PDE8B: variants seen among roughly 807,000 people sequenced by gnomAD.
The protein encoded by PDE8B is phosphodiesterase 8B.
A neutral mutation model predicts 101.3 loss-of-function variants in PDE8B; 26 were observed. That is an observed-to-expected ratio of 0.26 (90% CI 0.19 to 0.36). The LOEUF is 0.36. Ranked by LOEUF, PDE8B falls within the 10% of genes least tolerant of loss-of-function variation. The pLI, the probability that PDE8B is intolerant of heterozygous loss-of-function variation, is 1.00. For missense variants in PDE8B, 810 were observed against 1,163.1 expected (o/e 0.70, Z 4.42); for synonymous variants, 424 against 429.3 (o/e 0.99, Z 0.15).
chr5:77,296,918 G>A (rs1310524592), intron 1 of PDE8B, among the ~76,000 whole-genome samples: 1 of 152,086 alleles, frequency 6.6e-6, no homozygotes, highest in Admixed American at 6.6e-5. Flanking sequence ...TTGGTCTTCT[G>A]CTGTGAGTGA....
chr5:77,264,402 A>G (rs1761256836), intron 1 of PDE8B, among the ~76,000 whole-genome samples: 1 of 152,242 alleles, frequency 6.6e-6, no homozygotes, highest in Admixed American at 6.5e-5. Flanking sequence ...GAGTTCCAGT[A>G]TCTTCACATT....
the PDE8B span, among the ~76,000 whole-genome samples, chr5:77,133,995 G>A: frequency 6.6e-6 from 1 of 152,178 alleles, no homozygotes; most frequent in African/African-American, 2.4e-5. Flanking sequence ...CCTTGCCACA[G>A]AGCTTCAGCA....
chr5:77,414,587 A>AT (rs35794220), intron 17 of PDE8B, among the ~76,000 whole-genome samples: 37,735 of 139,332 alleles, frequency 0.27, 5,673 homozygotes, highest in Non-Finnish European at 0.36. Context: ...TGCCCAGCCG[A>AT]TTTTTTTTTT....
the PDE8B span, among the ~76,000 whole-genome samples, chr5:77,101,403 T>G: frequency 6.6e-6 from 1 of 152,332 alleles, no homozygotes; most frequent in East Asian, 1.9e-4. Context: ...ATGCTGTTGC[T>G]TTTGGTGTTG....
chr5:77,141,500 T>A, the PDE8B span: 1 of 152,198 alleles, frequency 6.6e-6, no homozygotes, highest in African/African-American at 2.4e-5. Flanking sequence ...AGATTTAAAC[T>A]CTATGGGGCA....
chr5:77,130,152 G>A, the PDE8B span, among the ~76,000 whole-genome samples: 9 of 152,216 alleles, frequency 5.9e-5, no homozygotes, highest in East Asian at 1.5e-3. Flanking sequence ...GGGCGGGGGT[G>A]AGGGAGGGGA....
chr5:77,245,004 G>A (rs1756570269), intron 1 of PDE8B, among the ~76,000 whole-genome samples: 1 of 152,206 alleles, frequency 6.6e-6, no homozygotes, highest in African/African-American at 2.4e-5. Flanking sequence ...ACAGATTCCA[G>A]TGAATGTGTA....
chr5:77,396,300 T>G (rs1460524377), intron 10 of PDE8B, among the ~76,000 whole-genome samples: 1 of 152,218 alleles, frequency 6.6e-6, no homozygotes, highest in Admixed American at 6.5e-5. Context: ...TATTTTCCCC[T>G]TTGTAGATAG....
At chr5:77,216,296 C>T (rs552440182) in intron 1 of PDE8B, among the ~76,000 whole-genome samples, 1 of 152,242 alleles carries the variant, frequency 6.6e-6, no homozygotes, top group East Asian at 1.9e-4. Context: ...AAAGACATAC[C>T]AGAGACTGGT....
At chr5:77,223,640 G>C (rs1318040760) in intron 1 of PDE8B, among the ~76,000 whole-genome samples, 1 of 152,020 alleles carries the variant, frequency 6.6e-6, no homozygotes, top group Non-Finnish European at 1.5e-5. Context: ...CTCTTAGTTT[G>C]TAGCTCCATT....
intron 1 of PDE8B, among the ~76,000 whole-genome samples, chr5:77,216,157 G>A (rs966355224): frequency 5.3e-5 from 8 of 152,136 alleles, no homozygotes; most frequent in African/African-American, 1.9e-4. Context: ...TACTGCAAAT[G>A]TTTTGGCAGG....
intron 1 of PDE8B, among the ~76,000 whole-genome samples, chr5:77,254,812 C>T (rs900951519): frequency 2.0e-5 from 3 of 152,168 alleles, no homozygotes; most frequent in Admixed American, 6.5e-5. Context: ...ATAGCAGATG[C>T]TTCTGTATAG....
rs1752434918 is a variant in PDE8B at position 77,226,541 on chromosome 5, A to G, written c.339+15277A>G. On this transcript the variant is annotated intron_variant, in intron 1 of 21. Transcript: ENST00000264917. ...ATTTTTGCTATTGTAATGGTGATAC[A>G]GGGAATGGCCCTATGCCTATATATT... 2.0e-5 allele frequency among the ~76,000 whole-genome samples: 3 copies of G among 152,212 alleles called. No individual in the cohort carries two copies. In the South Asian group the frequency reaches 6.2e-4, roughly 32 times the overall value.
At chr5:77,305,280 C>G (rs752085993) in intron 1 of PDE8B, among the ~76,000 whole-genome samples, 1 of 152,292 alleles carries the variant, frequency 6.6e-6, no homozygotes, top group South Asian at 2.1e-4. Context: ...AGGTTGAGAA[C>G]TTCTAGACCA....
At chr5:77,417,786 C>T (rs1795868961) in intron 17 of PDE8B, among the ~76,000 whole-genome samples, 1 of 152,150 alleles carries the variant, frequency 6.6e-6, no homozygotes, top group South Asian at 2.1e-4. Context: ...TTTTACTCTT[C>T]TACAGCTCTA....
chr5:77,233,169 C>T (rs182628849), intron 1 of PDE8B, among the ~76,000 whole-genome samples: 3 of 152,002 alleles, frequency 2.0e-5, no homozygotes, highest in Admixed American at 2.0e-4. Flanking sequence ...AGCAAGCTTG[C>T]CAGGGTTTTG....
intron 1 of PDE8B, among the ~76,000 whole-genome samples, chr5:77,279,632 A>G (rs1414377189): frequency 2.0e-5 from 3 of 152,214 alleles, no homozygotes; most frequent in African/African-American, 7.2e-5. Flanking sequence ...TGATGCAGGT[A>G]TTAGTATCCA....
chr5:77,412,209 T>C lies in PDE8B; in HGVS notation c.1686T>C (p.Phe562=). 6.2e-7 allele frequency: 1 copy of C among 1,614,162 alleles called. No homozygotes were observed. The highest frequency in any genetic ancestry group is 8.5e-7 in the Non-Finnish European group (1 of 1,179,984). The part of the protein sequence containing the change: ...DNEESWDFNI[F]ELEAITHKRP... ...AGGAGAGTTGGGACTTCAACATCTT[T>C]GAATTGGAAGCCATTACGCATAAAA... The change falls in exon 16 of 22, where the codon TTT becomes TTC. Residue 562 remains phenylalanine (F), a synonymous_variant. Transcript: ENST00000264917.
intron 1 of PDE8B, chr5:77,290,295 C>T: frequency 3.9e-6 from 6 of 1,547,150 alleles, no homozygotes; most frequent in Non-Finnish European, 5.3e-6. Context: ...CAATCAGCCC[C>T]AGTATGCATG....
Sources: gnomAD v4.1 joint callset for allele counts (sites outside exome capture counted in the v4.1 genomes callset) on GRCh38, gnomAD v4.1.1 for gene constraint, MANE v1.5 for transcripts, NCBI Gene and HGNC (gene_info 2026-07-23, HGNC 2026-07-21) for gene names.